The following ANKRD29 variants were observed in gnomAD, a reference collection of about 807,000 sequenced individuals.
ANKRD29 encodes ankyrin repeat domain-containing protein 29.
ANKRD29 carries 32 observed loss-of-function variants against 38.0 expected under a neutral mutation model. The ratio of observed to expected loss-of-function variants is 0.84; its 90% CI spans 0.64 to 1.13. ANKRD29 has a LOEUF of 1.13. Among genes scored for constraint, ANKRD29 ranks in the 50% most tolerant of loss-of-function variants. The pLI, the probability that ANKRD29 is intolerant of heterozygous loss-of-function variation, is 0.00. For synonymous variants in ANKRD29, 135 were observed against 152.4 expected (o/e 0.89, Z 0.84); for missense variants, 357 against 377.9 (o/e 0.94, Z 0.46).
At chr18:23,648,637 CA>C in intron 2 of ANKRD29, 3 of 355,992 alleles carry the variant, frequency 8.4e-6, no homozygotes, top group Non-Finnish European at 1.0e-5. Context: ...TTTATGTTTT[CA>C]AGAGGTAATG....
chr18:23,614,352 A>G (rs1013910410), intron 8 of ANKRD29, among the ~76,000 whole-genome samples: 2 of 152,172 alleles, frequency 1.3e-5, no homozygotes, highest in Admixed American at 6.5e-5. Context: ...GTGAGCCACC[A>G]CACCAGACCA....
At chr18:23,607,700 CTGAGAT>C (rs1168449954) in intron 9 of ANKRD29, among the ~76,000 whole-genome samples, 1 of 152,198 alleles carries the variant, frequency 6.6e-6, no homozygotes, top group African/African-American at 2.4e-5. Context: ...TCTCAGGTTG[CTGAGAT>C]TGTACAGATT....
chr18:23,647,786 C>T (rs2060158941), intron 2 of ANKRD29: 1 of 152,244 alleles, frequency 6.6e-6, no homozygotes. Context: ...GGAACCAGCC[C>T]CGTAAAACCC....
intron 2 of ANKRD29, among the ~76,000 whole-genome samples, chr18:23,648,198 T>C (rs2060164511): frequency 6.6e-6 from 1 of 152,174 alleles, no homozygotes; most frequent in Non-Finnish European, 1.5e-5. Context: ...GAGCAGTACA[T>C]ACAATTCAGA....
intron 8 of ANKRD29, among the ~76,000 whole-genome samples, chr18:23,616,578 G>GTATATATA (rs60639633): frequency 9.0e-5 from 12 of 133,036 alleles, no homozygotes; most frequent in African/African-American, 3.4e-4. Context: ...TATATATACA[G>GTATATATA]TATATATATA....
intron 1 of ANKRD29, among the ~76,000 whole-genome samples, chr18:23,651,438 G>C (rs1427348476): frequency 6.6e-6 from 1 of 152,192 alleles, no homozygotes; most frequent in Non-Finnish European, 1.5e-5. Context: ...TGGCAAGGGA[G>C]GTTTGACCTG....
At position 23,599,728 on chromosome 18, in the gene ANKRD29, G is replaced by A. The variant is rs1462463760; in HGVS notation, c.*1498C>T. Reference sequence around the variant, plus strand: ...TGCAGGCTTTTTGTATAGCTGGTCAGGCTGTAGGCACCTGTGGGGCCTGTG... The same window carrying A: ...TGCAGGCTTTTTGTATAGCTGGTCAAGCTGTAGGCACCTGTGGGGCCTGTG... On this transcript the variant is annotated 3_prime_UTR_variant, in exon 10 of 10. Coordinates refer to ENST00000592179, the MANE Select transcript of ANKRD29 (RefSeq NM_173505.4). 2 of 152,194 alleles carry A rather than the reference G, an allele frequency of 1.3e-5. No homozygotes were observed. 9.4% of individuals were successfully genotyped at this position (152,194 alleles called of 1,614,324 possible). A position where few individuals can be genotyped will look rare whatever the true frequency, so the allele number is the denominator to read the frequency against.
At chr18:23,629,821 G>T in intron 6 of ANKRD29, 32 bp downstream of exon 6, 1 of 1,593,022 alleles carries the variant, frequency 6.3e-7, no homozygotes, top group Non-Finnish European at 8.6e-7. Context: ...CATGCGCCAT[G>T]TGCTCGGGCA....
At chr18:23,657,767 C>G (rs968955246) in intron 1 of ANKRD29, among the ~76,000 whole-genome samples, 13 of 152,132 alleles carry the variant, frequency 8.5e-5, no homozygotes. Context: ...TGCTTCATTC[C>G]TTTTTATGGC....
At chr18:23,649,463 G>A (rs1404145472) in intron 1 of ANKRD29, 1 of 661,054 alleles carries the variant, frequency 1.5e-6, no homozygotes, top group Admixed American at 2.1e-5. Flanking sequence ...TCACTTTCCT[G>A]CCTCTGTTGT....
intron 2 of ANKRD29, chr18:23,648,034 CT>C (rs2060162481): frequency 1.3e-5 from 2 of 152,786 alleles, no homozygotes; most frequent in East Asian, 1.9e-4. Context: ...AAGGGAGCGG[CT>C]CCCAGGATGC....
chr18:23,632,929 A>T (rs1298113405), intron 5 of ANKRD29, among the ~76,000 whole-genome samples: 1 of 152,168 alleles, frequency 6.6e-6, no homozygotes, highest in Non-Finnish European at 1.5e-5. Flanking sequence ...GGGTGTTCAA[A>T]TGGAAAAGTT....
At chr18:23,649,641 G>T in intron 1 of ANKRD29, 1 of 448,478 alleles carries the variant, frequency 2.2e-6, no homozygotes, top group Non-Finnish European at 4.4e-6. Flanking sequence ...GAGTTTACCT[G>T]CCCGTTTCCT....
At chr18:23,657,701 T>G (rs1224303173) in intron 1 of ANKRD29, among the ~76,000 whole-genome samples, 1 of 152,262 alleles carries the variant, frequency 6.6e-6, no homozygotes, top group Non-Finnish European at 1.5e-5. Flanking sequence ...ATTCTGTGTC[T>G]GGTTTCCTTC....
chr18:23,607,933 T>G lies in ANKRD29; in HGVS notation c.822+4159A>C, dbSNP rs148496210. 2.0e-4 allele frequency among the ~76,000 whole-genome samples: 30 copies of G among 152,316 alleles called. No individual in the cohort carries two copies. In the East Asian group the frequency reaches 5.4e-3, roughly 27 times the overall value. On this transcript the variant is annotated intron_variant, in intron 9 of 9. Transcript: ENST00000592179. ...TGAGGAATGGCTATAGTGTGAGGAATGGCTGTTGGGGCCACTGGTTGGCCT... is the reference window on the plus strand; with the variant it reads ...TGAGGAATGGCTATAGTGTGAGGAAGGGCTGTTGGGGCCACTGGTTGGCCT...
At chr18:23,605,994 T>C (rs1029007527) in intron 9 of ANKRD29, among the ~76,000 whole-genome samples, 5 of 151,470 alleles carry the variant, frequency 3.3e-5, no homozygotes, top group African/African-American at 1.2e-4. Flanking sequence ...ATTTTGCCAG[T>C]ACAGTTTAGT....
chr18:23,662,765 T>G lies in ANKRD29; in HGVS notation c.-35A>C. 6.9e-7 allele frequency: 1 copy of G among 1,452,348 alleles called. No individual in the cohort carries two copies. The highest frequency in any genetic ancestry group is 9.0e-7 in the Non-Finnish European group (1 of 1,105,370). 90.0% of individuals were successfully genotyped at this position (1,452,348 alleles called of 1,614,324 possible). ...CGCCCGAGCGGGAGCCGGCGCGCTTTGGGCCCGGGGCGCCTTGTCCTCCCC... is the reference window on the plus strand; with the variant it reads ...CGCCCGAGCGGGAGCCGGCGCGCTTGGGGCCCGGGGCGCCTTGTCCTCCCC... On this transcript the variant is annotated 5_prime_UTR_variant, in exon 1 of 10. Coordinates refer to ENST00000592179, the MANE Select transcript of ANKRD29 (RefSeq NM_173505.4).
At chr18:23,641,230 G>A (rs751185773) in intron 3 of ANKRD29, among the ~76,000 whole-genome samples, 3 of 152,224 alleles carry the variant, frequency 2.0e-5, no homozygotes, top group Non-Finnish European at 4.4e-5. Flanking sequence ...CTGGAAGCAG[G>A]TGGGAGCCCC....
chr18:23,603,102 A>G (rs2059533623), intron 9 of ANKRD29, among the ~76,000 whole-genome samples: 1 of 152,212 alleles, frequency 6.6e-6, no homozygotes, highest in South Asian at 2.1e-4. Context: ...GTCTTTTTGG[A>G]TTGCTGTGGA....
Sources: allele counts gnomAD v4.1 joint callset (sites outside exome capture counted in the v4.1 genomes callset), GRCh38; gene constraint gnomAD v4.1.1; transcripts MANE v1.5; gene names NCBI Gene and HGNC (gene_info 2026-07-23, HGNC 2026-07-21).